Variants in SNX13 observed in about 807,000 individuals in gnomAD.
SNX13 encodes the protein sorting nexin 13.
SNX13 carries 45 observed loss-of-function variants against 133.6 expected under a neutral mutation model. That is an observed-to-expected ratio of 0.34 (90% CI 0.27 to 0.43). The LOEUF (loss-of-function observed/expected upper bound fraction) is 0.43. SNX13 is among the 20% of genes least tolerant of loss of function. SNX13 has a pLI of 1.00. For missense variants in SNX13, 1,032 were observed against 1,145.1 expected (o/e 0.90, Z 1.43); for synonymous variants, 414 against 373.9 (o/e 1.11, Z -1.24).
chr7:17,872,564 T>C (rs1261193587), intron 8 of SNX13, among the ~76,000 whole-genome samples: 8 of 152,184 alleles, frequency 5.3e-5, no homozygotes, highest in Admixed American at 5.2e-4. Context: ...AGTTAATGTA[T>C]CAGGCTCCTC....
At chr7:17,875,223 C>T (rs187485358) in intron 7 of SNX13, among the ~76,000 whole-genome samples, 43 of 152,086 alleles carry the variant, frequency 2.8e-4, no homozygotes, top group African/African-American at 8.9e-4. Flanking sequence ...GCCCTTCGGC[C>T]TCCCAAAATG....
intron 18 of SNX13, among the ~76,000 whole-genome samples, chr7:17,820,342 T>TA (rs1313079626): frequency 1.3e-5 from 2 of 152,110 alleles, no homozygotes; most frequent in Non-Finnish European, 2.9e-5. Context: ...ATATGAGCTA[T>TA]ATGCTTTTAA....
At chr7:17,894,581 A>C (rs1159663322) in intron 2 of SNX13, among the ~76,000 whole-genome samples, 1 of 152,192 alleles carries the variant, frequency 6.6e-6, no homozygotes, top group Non-Finnish European at 1.5e-5. Context: ...TTGAAAAATA[A>C]TTACAGGATC....
At position 17,801,647 on chromosome 7, in the gene SNX13, T is replaced by G. The variant is rs1784658175; in HGVS notation, c.2239A>C (p.Ile747Leu). The change falls in exon 22 of 26, where the codon ATT becomes CTT. Residue 747 changes from isoleucine to leucine, a missense_variant. Physicochemically the swap from Ile to Leu is conservative, Grantham distance 5. Coordinates refer to ENST00000428135, the MANE Select transcript of SNX13 (RefSeq NM_015132.5). ...TCAGGGTCTGAATCAGTCTTAGGAATTAAAGGAGGCACCTAAAAATAAAAC... is the reference window on the plus strand; with the variant it reads ...TCAGGGTCTGAATCAGTCTTAGGAAGTAAAGGAGGCACCTAAAAATAAAAC... ...KQSFFKVPPLIPKTDSDPEHR... is the reference protein window; with the variant it reads ...KQSFFKVPPLLPKTDSDPEHR... 1 of 1,607,204 alleles carries G rather than the reference T, an allele frequency of 6.2e-7. No individual in the cohort carries two copies. The highest frequency in any genetic ancestry group is 8.5e-7 in the Non-Finnish European group (1 of 1,177,002).
chr7:17,912,903 A>G (rs1799147744), intron 1 of SNX13, among the ~76,000 whole-genome samples: 1 of 152,198 alleles, frequency 6.6e-6, no homozygotes, highest in African/African-American at 2.4e-5. Context: ...CACTGAAATT[A>G]GACTTTCCCA....
chr7:17,816,072 C>G, intron 19 of SNX13, 110 bp downstream of exon 19: 1 of 1,223,686 alleles, frequency 8.2e-7, no homozygotes, highest in South Asian at 1.7e-5. Context: ...GTGGTTGCTA[C>G]CCTGTGATTA....
At chr7:17,861,548 C>A (rs1004325251) in intron 9 of SNX13, among the ~76,000 whole-genome samples, 10 of 152,104 alleles carry the variant, frequency 6.6e-5, no homozygotes, top group African/African-American at 2.4e-4. Context: ...CCAATAAAAT[C>A]TCAGGAAATA....
intron 9 of SNX13, among the ~76,000 whole-genome samples, chr7:17,862,230 T>C (rs11975603): frequency 0.022 from 3,305 of 152,284 alleles, 131 homozygotes; most frequent in African/African-American, 0.074. Context: ...TCTGTTCAAC[T>C]TGCTTCCATT....
intron 18 of SNX13, among the ~76,000 whole-genome samples, 190 bp downstream of exon 18, chr7:17,821,319 G>C (rs905464659): frequency 3.9e-5 from 6 of 152,108 alleles, no homozygotes; most frequent in Non-Finnish European, 7.4e-5. Flanking sequence ...TGATGGTTAG[G>C]ACTGAGGAAG....
chr7:17,926,380 T>C (rs757131875), intron 1 of SNX13, among the ~76,000 whole-genome samples: 1 of 152,076 alleles, frequency 6.6e-6, no homozygotes, highest in Non-Finnish European at 1.5e-5. Flanking sequence ...AAAAGGTAAA[T>C]TGTTGTACTA....
At chr7:17,850,300 AG>A (rs1170454776) in intron 11 of SNX13, 46 bp downstream of exon 11, 1 of 1,288,806 alleles carries the variant, frequency 7.8e-7, no homozygotes, top group Non-Finnish European at 1.1e-6. Context: ...TAATCCCTAT[AG>A]TATAGTATTT....
rs1353052246 is a variant in SNX13 at position 17,790,916 on chromosome 7, T to G, written c.*3129A>C. 6.6e-6 allele frequency: 1 copy of G among 152,076 alleles called. No individual in the cohort carries two copies. Among genetic ancestry groups the G allele is most frequent in the Middle Eastern group, 3.2e-3 (1 of 316 alleles). The allele number at this position is 152,076 out of a possible 1,614,324, so 9.4% of individuals were successfully genotyped here. On this transcript the variant is annotated 3_prime_UTR_variant, in exon 26 of 26. Transcript: ENST00000428135. The stretch of plus-strand genomic sequence containing the variant: ...ATTGATAGAACAGTTAGGCACACAG[T>G]TGACACTTACTGTACAATGATATGC...
intron 7 of SNX13, among the ~76,000 whole-genome samples, chr7:17,874,187 C>CT (rs1794431966): frequency 1.3e-5 from 2 of 151,922 alleles, no homozygotes; most frequent in African/African-American, 4.8e-5. Context: ...CTCAGGTCCA[C>CT]TTATATGTGG....
chr7:17,883,659 C>T (rs1795628631), intron 5 of SNX13, among the ~76,000 whole-genome samples: 1 of 152,030 alleles, frequency 6.6e-6, no homozygotes, highest in South Asian at 2.1e-4. Flanking sequence ...CTTGCTGCAC[C>T]CATCAACCTG....
intron 1 of SNX13, among the ~76,000 whole-genome samples, chr7:17,921,286 T>C (rs1800099412): frequency 1.3e-5 from 2 of 152,238 alleles, no homozygotes; most frequent in African/African-American, 4.8e-5. Flanking sequence ...AGCCTTGTTA[T>C]CCTTGTTCAT....
intron 15 of SNX13, among the ~76,000 whole-genome samples, chr7:17,832,970 C>T (rs1470482578): frequency 6.6e-6 from 1 of 151,286 alleles, no homozygotes; most frequent in Non-Finnish European, 1.5e-5. Flanking sequence ...TTTTTTAAAG[C>T]AGTGCTCACT....
At chr7:17,864,964 GA>G (rs201814867) in intron 9 of SNX13, among the ~76,000 whole-genome samples, 3 of 150,338 alleles carry the variant, frequency 2.0e-5, no homozygotes, top group Non-Finnish European at 3.0e-5. Context: ...AGTGCTGAAG[GA>G]AAAAAAAATG....
chr7:17,796,700 C>T (rs1784089183), intron 25 of SNX13, 127 bp downstream of exon 25: 2 of 679,946 alleles, frequency 2.9e-6, no homozygotes, highest in Non-Finnish European at 5.3e-6. Flanking sequence ...AGTACAGTGC[C>T]TGATATGTAT....
At chr7:17,812,654 C>G (rs989579934) in intron 20 of SNX13, among the ~76,000 whole-genome samples, 3 of 152,138 alleles carry the variant, frequency 2.0e-5, no homozygotes, top group Admixed American at 6.5e-5. Context: ...GGTATATACC[C>G]AAAGGATGAT....
Sources: allele counts gnomAD v4.1 joint callset (sites outside exome capture counted in the v4.1 genomes callset), GRCh38; gene constraint gnomAD v4.1.1; transcripts MANE v1.5; gene names NCBI Gene and HGNC (gene_info 2026-07-23, HGNC 2026-07-21).